KIF26B: variants seen among roughly 807,000 people sequenced by gnomAD.
KIF26B encodes kinesin-like protein KIF26B.
Under a neutral mutation model 151.2 loss-of-function variants are expected in KIF26B, and 63 were observed. The ratio of observed to expected loss-of-function variants is 0.42; its 90% confidence interval spans 0.34 to 0.51. The LOEUF (loss-of-function observed/expected upper bound fraction) is 0.51, where lower values mean the gene tolerates loss of function less well. Among genes scored for constraint, KIF26B ranks in the 20% least tolerant of loss-of-function variants. The probability of loss-of-function intolerance (pLI) is 0.07; values close to 1 mark genes in which losing one functional copy is unlikely to be tolerated. For missense variants in KIF26B, 2,813 were observed against 2,913.6 expected, an observed-to-expected ratio of 0.97 and a Z score of 0.79; for synonymous variants, 1,357 against 1,262.1, an observed-to-expected ratio of 1.08 and a Z score of -1.59.
chr1:245,180,595 C>T (rs1312014696), intron 2 of KIF26B, among the ~76,000 whole-genome samples: 3 of 152,102 alleles, frequency 2.0e-5, no homozygotes, highest in Admixed American at 6.6e-5. Flanking sequence ...GTGGCCCAGT[C>T]CTTTAAGAGA....
chr1:245,238,949 A>G (rs1670163500), intron 2 of KIF26B, among the ~76,000 whole-genome samples: 1 of 152,234 alleles, frequency 6.6e-6, no homozygotes, highest in African/African-American at 2.4e-5. Context: ...CTCAATTTCT[A>G]CACTTCCTTC....
chr1:245,221,369 G>A (rs375525238), intron 2 of KIF26B, among the ~76,000 whole-genome samples: 4 of 97,474 alleles, frequency 4.1e-5, no homozygotes, highest in African/African-American at 1.5e-4. Flanking sequence ...TTTCTCTGAA[G>A]TTTGAAGTAA....
At chr1:245,292,194 A>T (rs895124233) in intron 2 of KIF26B, among the ~76,000 whole-genome samples, 1 of 152,218 alleles carries the variant, frequency 6.6e-6, no homozygotes, top group Non-Finnish European at 1.5e-5. Context: ...CACTAAAGTT[A>T]CTGAGAACCT....
chr1:245,532,355 C>T (rs1427725934), intron 4 of KIF26B, among the ~76,000 whole-genome samples: 3 of 150,156 alleles, frequency 2.0e-5, no homozygotes, highest in Non-Finnish European at 1.5e-5. Flanking sequence ...ACGCCATTCT[C>T]CTGCCTCAGC....
chr1:245,472,630 G>A (rs1301441587), intron 4 of KIF26B, among the ~76,000 whole-genome samples: 1 of 152,170 alleles, frequency 6.6e-6, no homozygotes, highest in Non-Finnish European at 1.5e-5. Flanking sequence ...ATCTTATGTA[G>A]TATTTTCCCT....
At position 245,203,255 on chromosome 1, in the gene KIF26B, A is replaced by AAAAAGAAAAG. The variant is rs1553334266; in HGVS notation, c.465+46581_465+46582insGAAAAGAAAA. On this transcript the variant is annotated intron_variant, in intron 2 of 14. Coordinates refer to ENST00000407071, the MANE Select transcript of KIF26B (RefSeq NM_018012.4). ...GAGCGCGACTCTGTCTCAAAAAAAA[A>AAAAAGAAAAG]AAAAGAAAATGAGTTAAAGTTACAA... Among the ~76,000 whole-genome samples the AAAAAGAAAAG allele has an allele frequency of 3.1e-4, 40 of 129,720 alleles. 2 individuals are homozygous for AAAAAGAAAAG. The highest frequency in any genetic ancestry group is 5.8e-4 in the Non-Finnish European group (37 of 63,652). 85.1% of individuals were successfully genotyped at this position (129,720 alleles called of 152,430 possible). A position where few individuals can be genotyped will look rare whatever the true frequency, so the allele number is the denominator to read the frequency against.
rs182844156 is a variant in KIF26B, at chr1:245,464,162, T to C, written c.1166+44417T>C. On this transcript the variant is annotated intron_variant, in intron 4 of 14. Transcript: ENST00000407071. ...ACATCAAGAGCTTAAAATGAATGCA[T>C]GTTCAAAAAATATGCTGGTCTCTGA... Among the ~76,000 whole-genome samples the C allele has an allele frequency of 2.0e-5, 3 of 152,334 alleles. No individual in the cohort carries two copies. In the East Asian group the frequency reaches 5.8e-4, roughly 29 times the overall value.
chr1:245,331,014 A>C (rs1306684699), intron 2 of KIF26B, among the ~76,000 whole-genome samples: 1 of 152,032 alleles, frequency 6.6e-6, no homozygotes, highest in Non-Finnish European at 1.5e-5. Context: ...TGGAAAATGC[A>C]CACACGGTGA....
intron 10 of KIF26B, among the ~76,000 whole-genome samples, chr1:245,680,318 A>T (rs1300366365): frequency 6.6e-6 from 1 of 152,168 alleles, no homozygotes; most frequent in Non-Finnish European, 1.5e-5. Flanking sequence ...AGAGGCCCAC[A>T]TGAAGGGCTC....
intron 10 of KIF26B, among the ~76,000 whole-genome samples, chr1:245,678,898 C>G (rs978489443): frequency 6.6e-6 from 1 of 151,882 alleles, no homozygotes; most frequent in African/African-American, 2.4e-5. Flanking sequence ...CAAAAACTCT[C>G]TCCCTTTTCT....
chr1:245,262,774 G>C (rs1670672188), intron 2 of KIF26B, among the ~76,000 whole-genome samples: 1 of 152,174 alleles, frequency 6.6e-6, no homozygotes, highest in Admixed American at 6.5e-5. Flanking sequence ...TTCTTAATGA[G>C]AGACTCTTGA....
In KIF26B at chr1:245,304,419, G is replaced by A. The variant is rs151330459; in HGVS notation, c.466-62415G>A. 3.8e-3 allele frequency among the ~76,000 whole-genome samples: 586 copies of A among 152,304 alleles called. 4 individuals are homozygous for A. Among genetic ancestry groups the A allele is most frequent in the South Asian group, 0.018 (88 of 4,818 alleles). On this transcript the variant is annotated intron_variant, in intron 2 of 14. Transcript: ENST00000407071. The stretch of plus-strand genomic sequence containing the variant: ...TCAGGAGGATGTTTTTATTCAGGAA[G>A]GCATGTCTGACCAATGAAACAAAAT...
At chr1:245,233,104 C>G (rs1162690418) in intron 2 of KIF26B, among the ~76,000 whole-genome samples, 2 of 152,192 alleles carry the variant, frequency 1.3e-5, no homozygotes, top group African/African-American at 4.8e-5. Flanking sequence ...GACGCACTTT[C>G]TCAGCAAGCG....
chr1:245,261,681 C>T (rs566610374), intron 2 of KIF26B, among the ~76,000 whole-genome samples: 2 of 152,022 alleles, frequency 1.3e-5, no homozygotes, highest in African/African-American at 4.8e-5. Flanking sequence ...GCCTCCTGGG[C>T]TCAAGTGATC....
chr1:245,174,712 G>A (rs1268187106), intron 2 of KIF26B, among the ~76,000 whole-genome samples: 6 of 152,072 alleles, frequency 3.9e-5, no homozygotes, highest in Admixed American at 3.3e-4. Flanking sequence ...TGTGTCAGGC[G>A]CTGTTCTAGG....
intron 2 of KIF26B, among the ~76,000 whole-genome samples, chr1:245,258,374 G>A (rs73128814): frequency 3.3e-5 from 5 of 152,050 alleles, no homozygotes; most frequent in South Asian, 4.2e-4. Flanking sequence ...GAGTGCATGC[G>A]GGAGGAGGCC....
At chr1:245,279,253 A>T (rs1670993333) in intron 2 of KIF26B, among the ~76,000 whole-genome samples, 1 of 151,106 alleles carries the variant, frequency 6.6e-6, no homozygotes, top group Non-Finnish European at 1.5e-5. Flanking sequence ...TTAGGCACTC[A>T]CACTCATCAG....
intron 2 of KIF26B, among the ~76,000 whole-genome samples, chr1:245,173,743 T>C (rs1407267712): frequency 6.6e-6 from 1 of 152,192 alleles, no homozygotes; most frequent in Non-Finnish European, 1.5e-5. Flanking sequence ...TATAGAGGGA[T>C]GCAGGAGTCC....
rs111961107 is a variant in KIF26B at position 245,679,442 on chromosome 1, G to GT, written c.2259-4783dup. Among the ~76,000 whole-genome samples the GT allele has an allele frequency of 2.0e-3, 151 of 74,196 alleles. 1 individual carries two copies. The highest frequency in any genetic ancestry group is 6.6e-3 in the African/African-American group (138 of 20,978). 48.7% of individuals were successfully genotyped at this position (74,196 alleles called of 152,430 possible). A position where few individuals can be genotyped will look rare whatever the true frequency, so the allele number is the denominator to read the frequency against. On this transcript the variant is annotated intron_variant, in intron 10 of 14. Transcript: ENST00000407071. ...TTCTAAAAATCTGGGGGTTTTTTGT[G>GT]TTTTTTTTGTGTGTGTTTTTTTTTT...
Sources: gnomAD v4.1 joint callset for allele counts (sites outside exome capture counted in the v4.1 genomes callset) on GRCh38, gnomAD v4.1.1 for gene constraint, MANE v1.5 for transcripts, NCBI Gene and HGNC (gene_info 2026-07-23, HGNC 2026-07-21) for gene names.